Variants in KRT8 observed in about 807,000 individuals in gnomAD.
KRT8 encodes the protein keratin 8, also known as keratin, type II cytoskeletal 8.
A neutral mutation model predicts 43.0 loss-of-function variants in KRT8; 24 were observed. The observed-to-expected ratio is 0.56, with a 90% CI of 0.40 to 0.78. The LOEUF is 0.78. Among genes scored for constraint, KRT8 ranks in the 30% least tolerant of loss-of-function variants. The pLI, the probability that KRT8 is intolerant of heterozygous loss-of-function variation, is 0.00. For missense variants in KRT8, 492 were observed against 638.4 expected, an observed-to-expected ratio of 0.77 and a Z score of 2.47; for synonymous variants, 214 against 261.2, an observed-to-expected ratio of 0.82 and a Z score of 1.74.
chr12:52,949,697 G>T lies in KRT8; in HGVS notation c.-177+18C>A. On this transcript the variant is annotated intron_variant, in intron 1 of 6. Coordinates refer to the KRT8 transcript ENST00000546826. ...TAACCACCCAACCCCTACTCCACCGGGAGGGGGTTGGGCATACCTGGATTT... is the reference window on the plus strand; with the variant it reads ...TAACCACCCAACCCCTACTCCACCGTGAGGGGGTTGGGCATACCTGGATTT... The T allele has an allele frequency of 9.7e-7, 1 of 1,029,892 alleles. No homozygotes were observed. Among genetic ancestry groups the T allele is most frequent in the South Asian group, 1.3e-5 (1 of 75,320 alleles). 63.8% of individuals were successfully genotyped at this position (1,029,892 alleles called of 1,614,324 possible). A position where few individuals can be genotyped will look rare whatever the true frequency, so the allele number is the denominator to read the frequency against.
intron 2 of KRT8, among the ~76,000 whole-genome samples, chr12:52,938,057 G>A (rs1042604765): frequency 7.4e-6 from 1 of 135,940 alleles, no homozygotes; most frequent in Non-Finnish European, 1.6e-5. Flanking sequence ...ATAAGCACAT[G>A]AAAAGATGCC....
At chr12:52,923,054 T>A (rs1941919759) in intron 2 of KRT8, among the ~76,000 whole-genome samples, 1 of 152,138 alleles carries the variant, frequency 6.6e-6, no homozygotes, top group Non-Finnish European at 1.5e-5. Context: ...GGCTCCCAGC[T>A]CTCTGCCCTC....
intron 2 of KRT8, among the ~76,000 whole-genome samples, chr12:52,917,633 C>A (rs915855428): frequency 6.7e-6 from 1 of 148,892 alleles, no homozygotes; most frequent in Non-Finnish European, 1.5e-5. Context: ...TGCTTGAACT[C>A]GGGAGGTGAA....
intron 2 of KRT8, among the ~76,000 whole-genome samples, chr12:52,934,288 CA>C (rs1942130787): frequency 6.6e-6 from 1 of 151,828 alleles, no homozygotes; most frequent in Non-Finnish European, 1.5e-5. Flanking sequence ...AAGCCGGGCA[CA>C]GTGGTTTACG....
rs62636489 is a variant in KRT8, at chr12:52,898,860, G to A, written c.1021C>T (p.Arg341Cys). ...GCATCCTTAATGGCCAGCTCTCCAC[G>A]CTGCTCGGCATCTGCAATGGCGGCC... Residue 341 changes from arginine (R) to cysteine (C), a missense_variant, in exon 6 of 8, where the codon CGT becomes TGT. By Grantham distance (180) the Arg-to-Cys change is radical (BLOSUM62 -3). Transcript: ENST00000692008. 4.8e-5 allele frequency: 77 copies of A among 1,613,390 alleles called. 1 individual carries two copies. In the South Asian group the frequency reaches 6.6e-4, roughly 14 times the overall value.
intron 2 of KRT8, among the ~76,000 whole-genome samples, chr12:52,914,697 T>C (rs1941701989): frequency 6.6e-6 from 1 of 152,224 alleles, no homozygotes; most frequent in Admixed American, 6.5e-5. Context: ...GACTTAAGCA[T>C]AAAAAGATCA....
intron 2 of KRT8, among the ~76,000 whole-genome samples, chr12:52,914,685 C>G (rs772752695): frequency 1.7e-4 from 26 of 152,350 alleles, no homozygotes; most frequent in Admixed American, 1.1e-3. Context: ...CCAACTCAAA[C>G]AGACTTAAGC....
At chr12:52,944,080 G>A (rs1942308028) in intron 2 of KRT8, among the ~76,000 whole-genome samples, 1 of 152,120 alleles carries the variant, frequency 6.6e-6, no homozygotes, top group African/African-American at 2.4e-5. Flanking sequence ...AGACAGGAGG[G>A]GAGGTCAGCT....
At chr12:52,928,994 C>G (rs1322895070) in intron 2 of KRT8, among the ~76,000 whole-genome samples, 2 of 152,152 alleles carry the variant, frequency 1.3e-5, no homozygotes, top group African/African-American at 4.8e-5. Context: ...GCCAAGCTTC[C>G]CAAGAGGGGA....
At chr12:52,913,628 C>G (rs1432571868) in intron 2 of KRT8, among the ~76,000 whole-genome samples, 4 of 150,062 alleles carry the variant, frequency 2.7e-5, no homozygotes, top group African/African-American at 9.7e-5. Flanking sequence ...CACACGCCCT[C>G]TTGTCCCTCA....
intron 1 of KRT8, among the ~76,000 whole-genome samples, chr12:52,902,685 G>A (rs1241427717): frequency 1.3e-5 from 2 of 151,904 alleles, no homozygotes; most frequent in Non-Finnish European, 2.9e-5. Flanking sequence ...ACCGCGCCCG[G>A]CCAAAAATAG....
Position 52,898,901 on chromosome 12 carries a change from T to G in KRT8, c.982-2A>C. ...AATGGCGGCCTCCAGGGAAGCCCTCTGTGGGGTAGGGGACAGGTAAGTAGG... is the reference window on the plus strand; with the variant it reads ...AATGGCGGCCTCCAGGGAAGCCCTCGGTGGGGTAGGGGACAGGTAAGTAGG... On this transcript the variant is annotated splice_acceptor_variant, in intron 5 of 7. Transcript: ENST00000692008. LOFTEE classifies it high-confidence loss of function. 6.2e-7 allele frequency: 1 copy of G among 1,613,134 alleles called. No homozygotes were observed.
intron 3 of KRT8, 64 bp from the exon 4 acceptor site, chr12:52,900,747 C>A: frequency 1.8e-6 from 2 of 1,103,006 alleles, no homozygotes; most frequent in Admixed American, 3.4e-5. Flanking sequence ...CAAGGGGCTC[C>A]CAAGGTCCAC....
At chr12:52,916,576 G>A (rs1475750574) in intron 2 of KRT8, among the ~76,000 whole-genome samples, 5 of 152,220 alleles carry the variant, frequency 3.3e-5, no homozygotes, top group Non-Finnish European at 7.3e-5. Context: ...CTGTCTCAGT[G>A]CCAGCATCTG....
At chr12:52,910,013 CCTT>C (rs1372741855), upstream of KRT8, among the ~76,000 whole-genome samples, 1 of 152,034 alleles carries the variant, frequency 6.6e-6, no homozygotes, top group Non-Finnish European at 1.5e-5. Flanking sequence ...TGCAAGCAAT[CCTT>C]CTGCCTCAGC....
At chr12:52,939,541 C>G (rs1472044618) in intron 2 of KRT8, among the ~76,000 whole-genome samples, 1 of 150,522 alleles carries the variant, frequency 6.6e-6, no homozygotes, top group Non-Finnish European at 1.5e-5. Context: ...GCCAACACGG[C>G]AAAACCCCGT....
intron 2 of KRT8, among the ~76,000 whole-genome samples, chr12:52,915,553 C>CA (rs910865246): frequency 1.3e-5 from 2 of 151,116 alleles, no homozygotes; most frequent in African/African-American, 2.4e-5. Flanking sequence ...ACTAAAAATA[C>CA]AAAAAAATCA....
intron 2 of KRT8, chr12:52,946,716 G>A (rs1942349720): frequency 6.6e-6 from 1 of 152,200 alleles, no homozygotes; most frequent in African/African-American, 2.4e-5. Flanking sequence ...CCCTCTGACT[G>A]GAACCTCTTA....
At chr12:52,903,305 G>C (rs1034077470) in intron 1 of KRT8, among the ~76,000 whole-genome samples, 1 of 152,214 alleles carries the variant, frequency 6.6e-6, no homozygotes, top group Non-Finnish European at 1.5e-5. Context: ...CTTGGCAAGG[G>C]AGTCCATAAC....
Sources: allele counts gnomAD v4.1 joint callset (sites outside exome capture counted in the v4.1 genomes callset), GRCh38; gene constraint gnomAD v4.1.1; transcripts MANE v1.5; gene names NCBI Gene and HGNC (gene_info 2026-07-23, HGNC 2026-07-21).